The following PTPN3 variants were observed in gnomAD, a reference collection of about 807,000 sequenced individuals.
PTPN3 encodes the protein tyrosine-protein phosphatase non-receptor type 3.
PTPN3 carries 96 observed loss-of-function variants against 132.7 expected under a neutral mutation model. The observed-to-expected ratio is 0.72, with a 90% CI of 0.61 to 0.86. The LOEUF (loss-of-function observed/expected upper bound fraction) is 0.86, where lower values mean the gene tolerates loss of function less well. Ranked by LOEUF, PTPN3 falls within the 40% of genes least tolerant of loss-of-function variation. The pLI, the probability that PTPN3 is intolerant of heterozygous loss-of-function variation, is 0.00. For synonymous variants in PTPN3, 398 were observed against 429.0 expected, an observed-to-expected ratio of 0.93 and a Z score of 0.89; for missense variants, 1,125 against 1,159.6, an observed-to-expected ratio of 0.97 and a Z score of 0.43.
At chr9:109,435,617 C>T (rs1392237719) in intron 9 of PTPN3, among the ~76,000 whole-genome samples, 2 of 152,146 alleles carry the variant, frequency 1.3e-5, no homozygotes, top group African/African-American at 4.8e-5. Flanking sequence ...TATGACCAAC[C>T]CCCTCTGATA....
At chr9:109,406,054 T>A (rs533500904) in intron 18 of PTPN3, among the ~76,000 whole-genome samples, 1 of 152,296 alleles carries the variant, frequency 6.6e-6, no homozygotes, top group African/African-American at 2.4e-5. Flanking sequence ...CCTGCTCTCC[T>A]CACTGCCTCC....
chr9:109,408,082 G>A (rs921281005), intron 17 of PTPN3, among the ~76,000 whole-genome samples: 5 of 152,166 alleles, frequency 3.3e-5, no homozygotes, highest in Non-Finnish European at 7.3e-5. Context: ...TGCAGATTCC[G>A]GTTCAGCAGG....
intron 6 of PTPN3, among the ~76,000 whole-genome samples, chr9:109,446,879 T>A (rs907299515): frequency 5.3e-5 from 8 of 152,178 alleles, no homozygotes; most frequent in African/African-American, 1.9e-4. Context: ...AGGGCTTGGA[T>A]GAGATCAACC....
rs748024138 is a variant in PTPN3 at position 109,472,108 on chromosome 9, T to C, written c.-17-8657A>G. 2.2e-4 allele frequency among the ~76,000 whole-genome samples: 33 copies of C among 152,238 alleles called. 1 individual carries two copies. The highest frequency in any genetic ancestry group is 3.7e-4 in the Non-Finnish European group (25 of 68,048). ...ATGAAGTAACAGATTTTCCAGTCTATATGTCAGTGCTGGGATTAGTACTGT... is the reference window on the plus strand; with the variant it reads ...ATGAAGTAACAGATTTTCCAGTCTACATGTCAGTGCTGGGATTAGTACTGT... On this transcript the variant is annotated intron_variant, in intron 1 of 25. Coordinates refer to ENST00000374541, the MANE Select transcript of PTPN3 (RefSeq NM_002829.4).
At chr9:109,511,230 G>A in the PTPN3 span, among the ~76,000 whole-genome samples, 6 of 152,056 alleles carry the variant, frequency 3.9e-5, no homozygotes, top group East Asian at 1.2e-3. Context: ...CCATGAGTAG[G>A]GGTGACTGTG....
chr9:109,534,287 A>AGCGGCAAGCGGCGG, the PTPN3 span: 4 of 1,535,680 alleles, frequency 2.6e-6, no homozygotes, highest in Non-Finnish European at 3.5e-6. Flanking sequence ...GGGGGCGGCG[A>AGCGGCAAGCGGCGG]GCGGCAAGCG....
At chr9:109,473,296 C>T (rs1290330855) in intron 1 of PTPN3, among the ~76,000 whole-genome samples, 1 of 152,124 alleles carries the variant, frequency 6.6e-6, no homozygotes, top group East Asian at 1.9e-4. Context: ...CCTGGGAAGC[C>T]CGGGTGGAGT....
intron 1 of PTPN3, among the ~76,000 whole-genome samples, chr9:109,472,994 A>G (rs537498849): frequency 6.6e-6 from 1 of 152,260 alleles, no homozygotes; most frequent in Non-Finnish European, 1.5e-5. Flanking sequence ...AACACAGTTG[A>G]CAATGCCAGT....
chr9:109,460,802 C>G (rs1201870082), intron 2 of PTPN3, among the ~76,000 whole-genome samples: 1 of 152,166 alleles, frequency 6.6e-6, no homozygotes, highest in Non-Finnish European at 1.5e-5. Flanking sequence ...GCCCATCTCC[C>G]CTGCTGGGAT....
intron 19 of PTPN3, among the ~76,000 whole-genome samples, chr9:109,399,197 T>C (rs1840849721): frequency 6.6e-6 from 1 of 152,210 alleles, no homozygotes; most frequent in South Asian, 2.1e-4. Flanking sequence ...CTTGCTCTGT[T>C]GCAGCCCAGG....
intron 13 of PTPN3, 142 bp from the exon 14 acceptor site, chr9:109,420,742 A>T: frequency 2.4e-6 from 2 of 847,366 alleles, no homozygotes; most frequent in Non-Finnish European, 3.5e-6. Flanking sequence ...CGGTTAACTC[A>T]TTACTACCCC....
the PTPN3 span, among the ~76,000 whole-genome samples, chr9:109,520,518 C>T: frequency 6.6e-6 from 1 of 152,232 alleles, no homozygotes; most frequent in Non-Finnish European, 1.5e-5. Context: ...CCTAGCGGAA[C>T]ATGCTTGCTG....
In PTPN3 at chr9:109,422,858, A is replaced by G; in HGVS notation, c.1002-6T>C. ...AATATTGGTTATTTACCGACCTGAA[A>G]AACCAGATGCAGGTTCACTTTCTAC... On this transcript the variant is annotated splice_polypyrimidine_tract_variant and splice_region_variant and intron_variant, in intron 12 of 25. Transcript: ENST00000374541. 1 of 1,611,974 alleles carries G rather than the reference A, an allele frequency of 6.2e-7. No homozygotes were observed. The highest frequency in any genetic ancestry group is 1.7e-5 in the Admixed American group (1 of 59,824).
At chr9:109,417,546 C>CT (rs1842616118) in intron 14 of PTPN3, 8 of 666,732 alleles carry the variant, frequency 1.2e-5, no homozygotes, top group African/African-American at 6.6e-5. Flanking sequence ...TTTTTTTTTT[C>CT]TTTTTTTCTC....
At chr9:109,481,002 C>T (rs1042351893) in intron 1 of PTPN3, among the ~76,000 whole-genome samples, 3 of 152,158 alleles carry the variant, frequency 2.0e-5, no homozygotes, top group Admixed American at 6.5e-5. Context: ...GACTGCTGCC[C>T]ACAGCTGGCT....
intron 4 of PTPN3, among the ~76,000 whole-genome samples, chr9:109,454,778 C>A (rs968803344): frequency 6.6e-6 from 1 of 152,206 alleles, no homozygotes; most frequent in Non-Finnish European, 1.5e-5. Flanking sequence ...TATGCAACAT[C>A]AGCACAGACT....
At chr9:109,525,802 T>C in the PTPN3 span, among the ~76,000 whole-genome samples, 1 of 152,224 alleles carries the variant, frequency 6.6e-6, no homozygotes, top group Admixed American at 6.5e-5. Flanking sequence ...ATAGCTTGAT[T>C]GTGGTAGTTA....
chr9:109,525,296 G>A, the PTPN3 span, among the ~76,000 whole-genome samples: 1 of 152,146 alleles, frequency 6.6e-6, no homozygotes, highest in Non-Finnish European at 1.5e-5. Context: ...GAGCTCAAGC[G>A]ATCCTCCCAC....
intron 7 of PTPN3, among the ~76,000 whole-genome samples, chr9:109,441,964 A>G (rs1844506302): frequency 6.6e-6 from 1 of 152,186 alleles, no homozygotes; most frequent in Non-Finnish European, 1.5e-5. Flanking sequence ...GTGAGGACTT[A>G]TATCAGATGC....
Sources: allele counts gnomAD v4.1 joint callset (sites outside exome capture counted in the v4.1 genomes callset), GRCh38; gene constraint gnomAD v4.1.1; transcripts MANE v1.5; gene names NCBI Gene and HGNC (gene_info 2026-07-23, HGNC 2026-07-21).